The following PLXDC2 variants were observed in gnomAD, a reference collection of about 807,000 sequenced individuals.
PLXDC2 encodes plexin domain containing 2, also known as plexin domain-containing protein 2.
In PLXDC2, 40 loss-of-function variants were observed where a neutral mutation model predicts 68.9. The ratio of observed to expected loss-of-function variants is 0.58; its 90% CI spans 0.45 to 0.76. The LOEUF is 0.76. Ranked by LOEUF, PLXDC2 falls within the 30% of genes least tolerant of loss-of-function variation. The pLI is 0.00. For missense variants in PLXDC2, 644 were observed against 661.9 expected (o/e 0.97, Z 0.30); for synonymous variants, 243 against 234.2 (o/e 1.04, Z -0.34).
At chr10:19,853,800 T>G (rs959678394) in intron 1 of PLXDC2, among the ~76,000 whole-genome samples, 5 of 152,222 alleles carry the variant, frequency 3.3e-5, no homozygotes, top group Admixed American at 1.3e-4. Flanking sequence ...GCCAGGTTGT[T>G]GGAAATGAAC....
At chr10:20,224,188 G>T (rs1361325162) in intron 12 of PLXDC2, among the ~76,000 whole-genome samples, 2 of 151,998 alleles carry the variant, frequency 1.3e-5, no homozygotes, top group Admixed American at 1.3e-4. Context: ...TGGCCAGGCT[G>T]ATCTCAAACT....
At chr10:19,839,802 C>T (rs1192760142) in intron 1 of PLXDC2, among the ~76,000 whole-genome samples, 1 of 152,128 alleles carries the variant, frequency 6.6e-6, no homozygotes, top group Non-Finnish European at 1.5e-5. Flanking sequence ...TTTGGGCATA[C>T]ATCCATTTAC....
intron 4 of PLXDC2, among the ~76,000 whole-genome samples, chr10:20,082,064 C>CAAAAAAAAAAAAAAAAAAAAA (rs1252447303): frequency 4.3e-5 from 3 of 70,132 alleles, no homozygotes; most frequent in African/African-American, 5.7e-5. Context: ...AAAAAAAAAT[C>CAAAAAAAAAAAAAAAAAAAAA]AAAAAAAAAA....
intron 1 of PLXDC2, among the ~76,000 whole-genome samples, chr10:19,881,062 T>C (rs191347785): frequency 1.3e-5 from 2 of 152,322 alleles, no homozygotes; most frequent in East Asian, 1.9e-4. Context: ...TTTTTTCCAA[T>C]ATCCCAGTTA....
intron 12 of PLXDC2, among the ~76,000 whole-genome samples, chr10:20,230,698 A>C (rs1320653490): frequency 1.3e-5 from 2 of 149,000 alleles, no homozygotes; most frequent in Non-Finnish European, 3.0e-5. Context: ...TGTCTCAAAA[A>C]AAAAAAAAAA....
intron 1 of PLXDC2, among the ~76,000 whole-genome samples, chr10:19,833,011 T>A (rs772918393): frequency 6.6e-6 from 1 of 152,198 alleles, no homozygotes; most frequent in Non-Finnish European, 1.5e-5. Flanking sequence ...CTAGTCATAA[T>A]AACTGTTGTC....
Position 19,816,813 on chromosome 10 carries a change from C to A in PLXDC2, c.-267C>A. 1.9e-6 allele frequency: 1 copy of A among 523,300 alleles called. No homozygotes were observed. The highest frequency in any genetic ancestry group is 3.4e-6 in the Non-Finnish European group (1 of 294,600). The allele number at this position is 523,300 out of a possible 1,614,324, so 32.4% of individuals were successfully genotyped here. On this transcript the variant is annotated 5_prime_UTR_variant, in exon 1 of 14. Coordinates refer to ENST00000377252, the MANE Select transcript of PLXDC2 (RefSeq NM_032812.9). Reference sequence around the variant, plus strand: ...GGCTGCAAGTGGCCTCTCCTCCCCGCGGTTGTTGTTCAGTGTCGGGTGAGG... The same window carrying A: ...GGCTGCAAGTGGCCTCTCCTCCCCGAGGTTGTTGTTCAGTGTCGGGTGAGG...
rs537921989 is a variant in PLXDC2 at position 20,092,973 on chromosome 10, C to A, written c.541+24734C>A. Among the ~76,000 whole-genome samples, 8 of 152,244 alleles carry A rather than the reference C, an allele frequency of 5.3e-5. No individual in the cohort carries two copies. The East Asian group carries it at 1.6e-3, about 30-fold the overall frequency. The stretch of plus-strand genomic sequence containing the variant: ...CCTTGTTGGCACCTTGATTTCAACC[C>A]AGTGATACAGATCTTGGACTTCTGG... On this transcript the variant is annotated intron_variant, in intron 4 of 13. Coordinates refer to ENST00000377252, the MANE Select transcript of PLXDC2 (RefSeq NM_032812.9).
At position 19,823,757 on chromosome 10, in the gene PLXDC2, CAG is replaced by C. The variant is rs769051470; in HGVS notation, c.112+6567_112+6568del. Among the ~76,000 whole-genome samples the C allele has an allele frequency of 4.6e-5, 7 of 152,238 alleles. No individual in the cohort carries two copies. In the East Asian group the frequency reaches 1.2e-3, roughly 25 times the overall value. On this transcript the variant is annotated intron_variant, in intron 1 of 13. Coordinates refer to ENST00000377252, the MANE Select transcript of PLXDC2 (RefSeq NM_032812.9). ...ATCCCAACACTTTGGGAGGCCGAGA[CAG>C]GGGGATTGCTTGAGTCCACGATTTG...
At chr10:20,273,014 T>A (rs1412348625) in intron 13 of PLXDC2, among the ~76,000 whole-genome samples, 1 of 152,238 alleles carries the variant, frequency 6.6e-6, no homozygotes, top group Admixed American at 6.5e-5. Context: ...GGCACACTGG[T>A]GTCTTCAACC....
intron 4 of PLXDC2, among the ~76,000 whole-genome samples, chr10:20,072,519 G>GAA (rs752454528): frequency 5.0e-5 from 5 of 100,148 alleles, no homozygotes; most frequent in African/African-American, 4.0e-4. Context: ...AAGAAAGAAA[G>GAA]AAAGAAAGAA....
intron 2 of PLXDC2, among the ~76,000 whole-genome samples, chr10:20,003,222 G>A (rs567675940): frequency 6.6e-6 from 1 of 152,144 alleles, no homozygotes; most frequent in South Asian, 2.1e-4. Flanking sequence ...GGGCAAAAAA[G>A]CGAAGACCAC....
intron 2 of PLXDC2, among the ~76,000 whole-genome samples, chr10:20,007,412 G>T (rs1490784082): frequency 6.6e-6 from 1 of 152,206 alleles, no homozygotes; most frequent in Non-Finnish European, 1.5e-5. Context: ...TGCTAGACCA[G>T]ATATGTGGTT....
chr10:20,185,160 GAAAAAAAAAAAAAA>G (rs11307851), intron 9 of PLXDC2, among the ~76,000 whole-genome samples: 22 of 56,006 alleles, frequency 3.9e-4, no homozygotes, highest in Admixed American at 3.2e-3. Flanking sequence ...GAACTGAAAG[GAAAAAAAAAAAAAA>G]AAAAAAAAAA....
At chr10:20,199,503 A>G (rs1834888720) in intron 9 of PLXDC2, among the ~76,000 whole-genome samples, 1 of 151,990 alleles carries the variant, frequency 6.6e-6, no homozygotes, top group Admixed American at 6.6e-5. Flanking sequence ...ACAGCAGTCA[A>G]TAGCGTTCTA....
At position 20,245,399 on chromosome 10, in the gene PLXDC2, T is replaced by A. The variant is rs1461387170; in HGVS notation, c.1367T>A (p.Leu456His). ...EKKGGTLHAG[L>H]IIGILILVLI... ...AAAGGGGGAACCCTCCACGCTGGCC[T>A]CATCATTGGAATCCTCATCCTGGTC... Residue 456 changes from leucine (L) to histidine (H), a missense_variant, in exon 13 of 14, where the codon CTC (leucine) becomes CAC (histidine). Transcript: ENST00000377252. 1 of 1,614,074 alleles carries A rather than the reference T, an allele frequency of 6.2e-7. No homozygotes were observed. The highest frequency in any genetic ancestry group is 2.2e-5 in the East Asian group (1 of 44,872).
intron 1 of PLXDC2, among the ~76,000 whole-genome samples, chr10:19,905,169 A>G (rs565777401): frequency 1.7e-3 from 253 of 152,338 alleles, no homozygotes; most frequent in African/African-American, 5.1e-3. Context: ...TTCCTTGTTG[A>G]TAGATGAGCA....
intron 12 of PLXDC2, among the ~76,000 whole-genome samples, chr10:20,244,617 T>C (rs1160320086): frequency 6.6e-6 from 1 of 152,210 alleles, no homozygotes; most frequent in Non-Finnish European, 1.5e-5. Flanking sequence ...ATAGAGCTTA[T>C]CAAAAGATGT....
chr10:20,202,593 A>G (rs903621565), intron 9 of PLXDC2, among the ~76,000 whole-genome samples: 4 of 152,182 alleles, frequency 2.6e-5, no homozygotes, highest in African/African-American at 9.6e-5. Context: ...CTTAGCCAGC[A>G]TATTTCAATA....
Sources: gnomAD v4.1 joint callset for allele counts (sites outside exome capture counted in the v4.1 genomes callset) on GRCh38, gnomAD v4.1.1 for gene constraint, MANE v1.5 for transcripts, NCBI Gene and HGNC (gene_info 2026-07-23, HGNC 2026-07-21) for gene names.